Variants in TENM3 observed in about 807,000 individuals in gnomAD.
TENM3 encodes teneurin-3.
A neutral mutation model predicts 255.1 loss-of-function variants in TENM3; 63 were observed. That is an observed-to-expected ratio of 0.25 (90% confidence interval 0.20 to 0.30). The LOEUF (loss-of-function observed/expected upper bound fraction) is 0.30. Ranked by LOEUF, TENM3 falls within the 10% of genes least tolerant of loss-of-function variation. The probability of loss-of-function intolerance (pLI) is 1.00; values close to 1 mark genes in which losing one functional copy is unlikely to be tolerated. For missense variants in TENM3, 2,929 were observed against 3,461.1 expected (o/e 0.85, Z 3.86); for synonymous variants, 1,306 against 1,322.3 (o/e 0.99, Z 0.27).
chr4:181,553,915 C>T, the TENM3 span, among the ~76,000 whole-genome samples: 6 of 152,124 alleles, frequency 3.9e-5, no homozygotes, highest in East Asian at 1.9e-4. Context: ...TCCATCCCCC[C>T]GCTCTCTGAG....
chr4:181,803,521 C>A, the TENM3 span, among the ~76,000 whole-genome samples: 1 of 152,156 alleles, frequency 6.6e-6, no homozygotes, highest in African/African-American at 2.4e-5. Flanking sequence ...GCTCAACATA[C>A]TATTGTTGAT....
intron 3 of TENM3, among the ~76,000 whole-genome samples, chr4:182,499,238 A>C (rs1736091990): frequency 6.6e-6 from 1 of 152,224 alleles, no homozygotes; most frequent in Non-Finnish European, 1.5e-5. Context: ...TTGGAGGTTA[A>C]AGAACTCAAT....
At chr4:182,064,768 G>A in the TENM3 span, among the ~76,000 whole-genome samples, 2 of 152,072 alleles carry the variant, frequency 1.3e-5, no homozygotes, top group Admixed American at 6.5e-5. Flanking sequence ...AAGTGAAGAG[G>A]GTCTGACATG....
chr4:181,726,239 A>G, the TENM3 span, among the ~76,000 whole-genome samples: 1 of 152,188 alleles, frequency 6.6e-6, no homozygotes, highest in African/African-American at 2.4e-5. Context: ...ACCACCTACT[A>G]TATGCTAAAT....
the TENM3 span, among the ~76,000 whole-genome samples, chr4:182,123,125 T>C: frequency 5.8e-4 from 88 of 152,344 alleles, no homozygotes; most frequent in African/African-American, 8.4e-4. Flanking sequence ...AGGCTTTGGC[T>C]TAAGGGAATT....
chr4:181,815,479 A>AAAAAAAAAG, the TENM3 span, among the ~76,000 whole-genome samples: 13 of 148,880 alleles, frequency 8.7e-5, no homozygotes, highest in African/African-American at 3.2e-4. Context: ...AAAAAAAAAA[A>AAAAAAAAAG]GGTGTAGAGG....
At chr4:182,115,491 G>T in the TENM3 span, among the ~76,000 whole-genome samples, 1 of 152,192 alleles carries the variant, frequency 6.6e-6, no homozygotes. Flanking sequence ...TTAGCTAAGT[G>T]CTGTAGAGTT....
intron 3 of TENM3, among the ~76,000 whole-genome samples, chr4:182,359,441 G>C (rs1296550545): frequency 1.3e-5 from 2 of 150,266 alleles, no homozygotes; most frequent in African/African-American, 4.9e-5. Flanking sequence ...TCCTGGTTTA[G>C]TCTAGGGAGA....
the TENM3 span, among the ~76,000 whole-genome samples, chr4:181,987,673 G>A: frequency 1.3e-5 from 2 of 152,042 alleles, no homozygotes; most frequent in South Asian, 2.1e-4. Context: ...GTCAGACAAC[G>A]GCATAAGGAA....
chr4:182,258,683 C>T (rs1396653508), intron 1 of TENM3, among the ~76,000 whole-genome samples: 2 of 152,178 alleles, frequency 1.3e-5, no homozygotes, highest in African/African-American at 4.8e-5. Context: ...TTTAGTCCCA[C>T]AATGTAAAAA....
chr4:181,994,366 G>A, the TENM3 span, among the ~76,000 whole-genome samples: 11 of 152,002 alleles, frequency 7.2e-5, no homozygotes, highest in African/African-American at 1.2e-4. Context: ...CTTAAAATAC[G>A]TCATTGTTTT....
intron 3 of TENM3, among the ~76,000 whole-genome samples, chr4:182,522,682 A>G (rs1738707968): frequency 6.6e-6 from 1 of 152,222 alleles, no homozygotes; most frequent in South Asian, 2.1e-4. Flanking sequence ...CGTGGTGTAT[A>G]CCACATTGTC....
At chr4:182,250,281 T>TGACCTCGTGATCCACC (rs1554038351) in intron 1 of TENM3, among the ~76,000 whole-genome samples, 2,870 of 149,960 alleles carry the variant, frequency 0.019, 68 homozygotes, top group African/African-American at 0.054. Flanking sequence ...CTCGATCTCC[T>TGACCTCGTGATCCACC]GACCTCATGA....
At chr4:181,794,557 T>A in the TENM3 span, among the ~76,000 whole-genome samples, 1 of 152,118 alleles carries the variant, frequency 6.6e-6, no homozygotes, top group African/African-American at 2.4e-5. Flanking sequence ...TTTCTTTGCC[T>A]GGCTTATTTC....
At chr4:182,211,776 A>G (rs1256916378) in intron 1 of TENM3, among the ~76,000 whole-genome samples, 1 of 152,182 alleles carries the variant, frequency 6.6e-6, no homozygotes, top group African/African-American at 2.4e-5. Flanking sequence ...TTTATATTAA[A>G]TACATTTGAT....
chr4:181,536,406 C>A, the TENM3 span, among the ~76,000 whole-genome samples: 5 of 152,240 alleles, frequency 3.3e-5, no homozygotes, highest in African/African-American at 1.2e-4. Context: ...GATGACGTCA[C>A]TGCAGTGTCT....
chr4:182,049,192 T>C, the TENM3 span, among the ~76,000 whole-genome samples: 1 of 152,270 alleles, frequency 6.6e-6, no homozygotes, highest in Non-Finnish European at 1.5e-5. Flanking sequence ...TTCAATTACT[T>C]ACCATTGACA....
the TENM3 span, among the ~76,000 whole-genome samples, chr4:181,513,308 G>A: frequency 1.3e-5 from 2 of 152,030 alleles, no homozygotes; most frequent in African/African-American, 2.4e-5. Context: ...GGAAATGCAA[G>A]GATCTTACAG....
chr4:182,202,957 TG>T (rs1250278497), intron 1 of TENM3, among the ~76,000 whole-genome samples: 1 of 151,986 alleles, frequency 6.6e-6, no homozygotes, highest in Non-Finnish European at 1.5e-5. Flanking sequence ...GGCTCAAGCC[TG>T]TAATCCCAGC....
Sources: gnomAD v4.1 joint callset for allele counts (sites outside exome capture counted in the v4.1 genomes callset) on GRCh38, gnomAD v4.1.1 for gene constraint, MANE v1.5 for transcripts, NCBI Gene and HGNC (gene_info 2026-07-23, HGNC 2026-07-21) for gene names.